Variants in CNIH1 observed in about 807,000 individuals in gnomAD.
CNIH1 encodes protein cornichon homolog 1.
A neutral mutation model predicts 20.2 loss-of-function variants in CNIH1; 12 were observed. That is an observed-to-expected ratio of 0.59 (90% CI 0.38 to 0.96). CNIH1 has a LOEUF of 0.96. Ranked by LOEUF, CNIH1 falls within the 40% of genes least tolerant of loss-of-function variation. The probability of loss-of-function intolerance (pLI) is 0.00; values close to 1 mark genes in which losing one functional copy is unlikely to be tolerated. For synonymous variants in CNIH1, 69 were observed against 63.3 expected, an observed-to-expected ratio of 1.09 and a Z score of -0.43; for missense variants, 152 against 178.8, an observed-to-expected ratio of 0.85 and a Z score of 0.85.
intron 2 of CNIH1, among the ~76,000 whole-genome samples, chr14:54,434,997 A>T (rs2031028205): frequency 6.6e-6 from 1 of 152,202 alleles, no homozygotes; most frequent in African/African-American, 2.4e-5. Context: ...AAAGTACCAA[A>T]CTAACTTTCT....
rs2030830767 is a variant in CNIH1 at position 54,426,582 on chromosome 14, T to C, written c.*1232A>G. 6.6e-6 allele frequency: 1 copy of C among 152,202 alleles called. No individual in the cohort carries two copies. The allele number at this position is 152,202 out of a possible 1,614,324, so 9.4% of individuals were successfully genotyped here. Reference sequence around the variant, plus strand: ...CATGCAAGCCATAATTTACCTGCCTTACAAGCAGCAGCAAAAACTCAAATT... The same window carrying C: ...CATGCAAGCCATAATTTACCTGCCTCACAAGCAGCAGCAAAAACTCAAATT... On this transcript the variant is annotated 3_prime_UTR_variant, in exon 5 of 5. Coordinates refer to ENST00000216416, the MANE Select transcript of CNIH1 (RefSeq NM_005776.3).
intron 2 of CNIH1, among the ~76,000 whole-genome samples, chr14:54,433,299 T>C (rs1173610000): frequency 2.6e-5 from 4 of 152,204 alleles, no homozygotes; most frequent in Non-Finnish European, 5.9e-5. Context: ...CTGTAGATAT[T>C]GTAATCACAC....
At chr14:54,434,289 G>A (rs948312083) in intron 2 of CNIH1, among the ~76,000 whole-genome samples, 1 of 152,158 alleles carries the variant, frequency 6.6e-6, no homozygotes, top group Non-Finnish European at 1.5e-5. Context: ...TCAACCTCCT[G>A]CAGCATTAGG....
chr14:54,431,606 T>C (rs940968597), intron 3 of CNIH1, among the ~76,000 whole-genome samples: 3 of 152,344 alleles, frequency 2.0e-5, no homozygotes, highest in East Asian at 1.9e-4. Flanking sequence ...TTATAAAATA[T>C]TATCTTTTAC....
chr14:54,437,448 T>A (rs2031076940), intron 1 of CNIH1, among the ~76,000 whole-genome samples: 1 of 152,166 alleles, frequency 6.6e-6, no homozygotes, highest in Admixed American at 6.5e-5. Flanking sequence ...ACGGTTTTTT[T>A]AATTTCTAGA....
intron 1 of CNIH1, among the ~76,000 whole-genome samples, chr14:54,437,020 T>G (rs1040174248): frequency 1.3e-5 from 2 of 152,220 alleles, no homozygotes; most frequent in Non-Finnish European, 2.9e-5. Context: ...CTTGGCACAG[T>G]GCTCAGTGGG....
Position 54,440,773 on chromosome 14 carries a change from T to C in CNIH1, c.81+474A>G, listed in dbSNP as rs151143436. ...ACCGAACAAGTGCTGAAAAGTAGAG[T>C]TGGAAATTCACCCTAAGTAGGTTAC... On this transcript the variant is annotated intron_variant, in intron 1 of 4. Transcript: ENST00000216416. Among the ~76,000 whole-genome samples, 7 of 152,306 alleles carry C rather than the reference T, an allele frequency of 4.6e-5. No individual in the cohort carries two copies. The East Asian group carries it at 1.4e-3, about 29-fold the overall frequency.
chr14:54,428,723 G>A (rs1242607354), intron 4 of CNIH1, among the ~76,000 whole-genome samples: 5 of 152,164 alleles, frequency 3.3e-5, no homozygotes, highest in South Asian at 2.1e-4. Context: ...AAATTAACAG[G>A]AAATTAAAGT....
At chr14:54,427,952 A>G (rs2030859754) in intron 4 of CNIH1, 111 bp from the exon 5 acceptor site, 2 of 1,033,676 alleles carry the variant, frequency 1.9e-6, no homozygotes, top group East Asian at 2.4e-5. Flanking sequence ...GAAAATGACA[A>G]GACTAATGAC....
chr14:54,432,503 T>C (rs976630140), intron 2 of CNIH1, among the ~76,000 whole-genome samples: 1 of 152,224 alleles, frequency 6.6e-6, no homozygotes, highest in South Asian at 2.1e-4. Flanking sequence ...TATATAAAGT[T>C]ACCACCCAGA....
rs371629087 is a variant in CNIH1, at chr14:54,427,886, TA to T, written c.408-46del. On this transcript the variant is annotated intron_variant, in intron 4 of 4. Transcript: ENST00000216416. ...TGTTAATTTGAACATTACTAATTAT[TA>T]AAAAAAAACTCAGAGCATGAGAGAG... 582 of 1,577,836 alleles carry T rather than the reference TA, an allele frequency of 3.7e-4. 4 individuals carry two copies. In the East Asian group the frequency reaches 8.4e-3, roughly 23 times the overall value.
At chr14:54,436,612 A>C (rs1047071953) in intron 1 of CNIH1, 175 bp from the exon 2 acceptor site, 1 of 586,120 alleles carries the variant, frequency 1.7e-6, no homozygotes, top group Non-Finnish European at 3.0e-6. Context: ...AATGCGATTT[A>C]AAGTGAAAAC....
intron 4 of CNIH1, among the ~76,000 whole-genome samples, chr14:54,428,938 AT>A (rs1195974520): frequency 6.6e-6 from 1 of 152,262 alleles, no homozygotes; most frequent in Non-Finnish European, 1.5e-5. Flanking sequence ...GAATATGAAT[AT>A]AAGCCTATCT....
rs2030853273 is a variant in CNIH1 at position 54,427,707 on chromosome 14, G to A, written c.*107C>T. 2.6e-6 allele frequency: 3 copies of A among 1,153,440 alleles called. No individual in the cohort carries two copies. The South Asian group carries it at 4.1e-5, about 16-fold the overall frequency. The allele number at this position is 1,153,440 out of a possible 1,614,324, so 71.5% of individuals were successfully genotyped here. On this transcript the variant is annotated 3_prime_UTR_variant, in exon 5 of 5. Coordinates refer to ENST00000216416, the MANE Select transcript of CNIH1 (RefSeq NM_005776.3). The stretch of plus-strand genomic sequence containing the variant: ...TAAGGAGTCATTTTTTAAAGTAACT[G>A]ATCAGATTCCACAGGCTACTCTTGG...
At chr14:54,439,134 C>G (rs1435724566) in intron 1 of CNIH1, among the ~76,000 whole-genome samples, 1 of 152,034 alleles carries the variant, frequency 6.6e-6, no homozygotes, top group Non-Finnish European at 1.5e-5. Context: ...AAGGAATGGA[C>G]TAAGATACTA....
At chr14:54,434,456 A>G (rs1393894202) in intron 2 of CNIH1, among the ~76,000 whole-genome samples, 1 of 152,220 alleles carries the variant, frequency 6.6e-6, no homozygotes, top group African/African-American at 2.4e-5. Flanking sequence ...GGCTGTCTTG[A>G]GTTCAAGTTC....
chr14:54,430,261 C>A lies in CNIH1; in HGVS notation c.407G>T (p.Gly136Val). ...ATTTCATTTTACCTTTTCAACTTAC[C>A]CATATAGGTAGTAAAAAAATGCTAG... ...YLLAFFYYLY[G>V]MIYVLVSS The change falls in exon 4 of 5, where the codon GGC becomes GTC. Residue 136 changes from glycine (G) to valine (V), a missense_variant and splice_region_variant. Gly to Val is a moderately radical substitution (Grantham distance 109). Transcript: ENST00000216416. The A allele has an allele frequency of 6.2e-7, 1 of 1,613,594 alleles. No individual in the cohort carries two copies. Among genetic ancestry groups the A allele is most frequent in the Non-Finnish European group, 8.5e-7 (1 of 1,179,732 alleles).
intron 4 of CNIH1, 55 bp from the exon 5 acceptor site, chr14:54,427,896 C>A: frequency 1.3e-6 from 2 of 1,537,682 alleles, no homozygotes; most frequent in Non-Finnish European, 1.8e-6. Flanking sequence ...TAAAAAAAAA[C>A]TCAGAGCATG....
At chr14:54,435,404 T>C (rs551659444) in intron 2 of CNIH1, among the ~76,000 whole-genome samples, 18 of 152,206 alleles carry the variant, frequency 1.2e-4, no homozygotes, top group Admixed American at 9.2e-4. Flanking sequence ...TACATACATA[T>C]ATATTTTTTC....
Sources: gnomAD v4.1 joint callset for allele counts (sites outside exome capture counted in the v4.1 genomes callset) on GRCh38, gnomAD v4.1.1 for gene constraint, MANE v1.5 for transcripts, NCBI Gene and HGNC (gene_info 2026-07-23, HGNC 2026-07-21) for gene names.